Variants in WDPCP observed in about 807,000 individuals in gnomAD.
WDPCP encodes the protein WD repeat-containing and planar cell polarity effector protein fritz homolog.
In WDPCP, 71 loss-of-function variants were observed where a neutral mutation model predicts 93.1. The ratio of observed to expected loss-of-function variants is 0.76; its 90% CI spans 0.63 to 0.93. The LOEUF is 0.93. Ranked by LOEUF, WDPCP falls within the 40% of genes least tolerant of loss-of-function variation. The probability of loss-of-function intolerance (pLI) is 0.00; values close to 1 mark genes in which losing one functional copy is unlikely to be tolerated. For missense variants in WDPCP, 844 were observed against 887.4 expected (o/e 0.95, Z 0.62); for synonymous variants, 315 against 315.0 (o/e 1.00, Z 0.00).
At chr2:63,391,567 G>T (rs913739767) in intron 10 of WDPCP, among the ~76,000 whole-genome samples, 1 of 152,086 alleles carries the variant, frequency 6.6e-6, no homozygotes. Flanking sequence ...AGAAATAAAG[G>T]GTATTCCATT....
chr2:63,265,882 C>G (rs1682068356), intron 13 of WDPCP, among the ~76,000 whole-genome samples: 1 of 152,058 alleles, frequency 6.6e-6, no homozygotes, highest in African/African-American at 2.4e-5. Flanking sequence ...AAGTGTGATA[C>G]AGTGTATTAA....
chr2:63,780,955 C>T (rs1670383083), intron 2 of WDPCP, among the ~76,000 whole-genome samples: 1 of 152,174 alleles, frequency 6.6e-6, no homozygotes, highest in African/African-American at 2.4e-5. Context: ...AGTCATTTTG[C>T]ATTCCTCCCT....
At chr2:63,550,613 C>T (rs1705537225) in intron 1 of WDPCP, among the ~76,000 whole-genome samples, 1 of 144,192 alleles carries the variant, frequency 6.9e-6, no homozygotes, top group South Asian at 2.1e-4. Flanking sequence ...ATCTGCTATC[C>T]TTGGGTGATC....
At chr2:63,353,189 G>A (rs1689759235) in intron 12 of WDPCP, among the ~76,000 whole-genome samples, 1 of 151,996 alleles carries the variant, frequency 6.6e-6, no homozygotes, top group Non-Finnish European at 1.5e-5. Flanking sequence ...ACTCCACCGG[G>A]GCCTTCAGTC....
intron 3 of WDPCP, among the ~76,000 whole-genome samples, chr2:63,618,888 C>T (rs1307893547): frequency 6.6e-6 from 1 of 152,054 alleles, no homozygotes; most frequent in East Asian, 1.9e-4. Context: ...AGGGTTTCTC[C>T]ATGTTGGTCA....
intron 10 of WDPCP, among the ~76,000 whole-genome samples, chr2:63,391,904 G>A (rs1439397508): frequency 6.6e-6 from 1 of 152,088 alleles, no homozygotes; most frequent in African/African-American, 2.4e-5. Context: ...ACAAATGGAA[G>A]AACATTCCAT....
At chr2:63,626,792 G>T (rs1709815148) in intron 3 of WDPCP, among the ~76,000 whole-genome samples, 1 of 152,082 alleles carries the variant, frequency 6.6e-6, no homozygotes, top group Non-Finnish European at 1.5e-5. Context: ...TCTAGAACCA[G>T]AAATACAATA....
the WDPCP span, among the ~76,000 whole-genome samples, chr2:63,835,383 C>G: frequency 1.5e-5 from 2 of 136,742 alleles, no homozygotes; most frequent in Non-Finnish European, 3.1e-5. Flanking sequence ...GAGCGAGACT[C>G]CATCTCAAAA....
intron 13 of WDPCP, among the ~76,000 whole-genome samples, chr2:63,287,535 G>T (rs750842920): frequency 6.6e-6 from 1 of 152,076 alleles, no homozygotes; most frequent in Non-Finnish European, 1.5e-5. Flanking sequence ...CCCAATTTTG[G>T]TAGCAATCTT....
intron 2 of WDPCP, among the ~76,000 whole-genome samples, chr2:63,735,943 C>A (rs1290802019): frequency 6.6e-6 from 1 of 152,180 alleles, no homozygotes; most frequent in African/African-American, 2.4e-5. Flanking sequence ...TTTCGAGAGT[C>A]CTTTCCAGTT....
intron 11 of WDPCP, among the ~76,000 whole-genome samples, chr2:63,379,426 C>T (rs187848644): frequency 6.6e-6 from 1 of 152,134 alleles, no homozygotes; most frequent in East Asian, 1.9e-4. Context: ...CTTGGCTAAG[C>T]TGTTAGTAAT....
At chr2:63,527,590 G>C (rs892291793) in intron 1 of WDPCP, among the ~76,000 whole-genome samples, 2 of 151,928 alleles carry the variant, frequency 1.3e-5, no homozygotes, top group African/African-American at 4.8e-5. Flanking sequence ...TGGTGTATAT[G>C]TGCCACATTT....
intron 12 of WDPCP, among the ~76,000 whole-genome samples, chr2:63,362,279 G>GGGTGTGTGTGTGTT (rs1690539739): frequency 1.3e-5 from 1 of 74,196 alleles, no homozygotes; most frequent in Non-Finnish European, 2.7e-5. Flanking sequence ...TTTTTTGGTT[G>GGGTGTGTGTGTGTT]TGTGTGTGTG....
intron 14 of WDPCP, among the ~76,000 whole-genome samples, chr2:63,240,148 A>G (rs1255719779): frequency 2.0e-5 from 3 of 152,100 alleles, no homozygotes; most frequent in Non-Finnish European, 4.4e-5. Flanking sequence ...TAGTTTAGCC[A>G]AGACTAGACC....
rs1189114807 is a variant in WDPCP at position 63,826,772 on chromosome 2, T to A, written n.222+850A>T. ...CATCCCTCTTCTACTCTTTAAAAAA[T>A]AAATGCTATACAGTTAAACTTAAAA... On this transcript the variant is annotated intron_variant and non_coding_transcript_variant, in intron 1 of 4. Coordinates refer to the WDPCP transcript ENST00000467687. 2.0e-5 allele frequency among the ~76,000 whole-genome samples: 3 copies of A among 152,274 alleles called. No individual in the cohort carries two copies. In the East Asian group the frequency reaches 5.8e-4, roughly 29 times the overall value.
intron 13 of WDPCP, among the ~76,000 whole-genome samples, chr2:63,306,572 C>G (rs1056973990): frequency 6.6e-6 from 1 of 152,192 alleles, no homozygotes; most frequent in African/African-American, 2.4e-5. Context: ...CCCTGGGATG[C>G]AAGGCTGGTT....
chr2:63,239,953 TCA>T lies in WDPCP; in HGVS notation c.1915+19352_1915+19353del, dbSNP rs557521443. 3.3e-5 allele frequency among the ~76,000 whole-genome samples: 5 copies of T among 152,308 alleles called. No homozygotes were observed. The East Asian group carries it at 9.6e-4, about 29-fold the overall frequency. On this transcript the variant is annotated intron_variant, in intron 14 of 17. Transcript: ENST00000272321. Reference sequence around the variant, plus strand: ...AAATGGATATGAATAAATGATTTTTTCACAGAGTTATATGTTGGCTAGAATTT... The same window carrying T: ...AAATGGATATGAATAAATGATTTTTTCAGAGTTATATGTTGGCTAGAATTT...
At chr2:63,186,887 A>T (rs1361532749) in intron 14 of WDPCP, among the ~76,000 whole-genome samples, 4 of 151,944 alleles carry the variant, frequency 2.6e-5, no homozygotes, top group African/African-American at 9.7e-5. Context: ...GGGGAAAAAA[A>T]AGAGAAGTCC....
At chr2:63,820,733 CTT>C (rs1405874953) in intron 1 of WDPCP, among the ~76,000 whole-genome samples, 1 of 152,000 alleles carries the variant, frequency 6.6e-6, no homozygotes, top group Non-Finnish European at 1.5e-5. Flanking sequence ...TGGGGACAAA[CTT>C]AATATTTGTA....
Sources: gnomAD v4.1 joint callset for allele counts (sites outside exome capture counted in the v4.1 genomes callset) on GRCh38, gnomAD v4.1.1 for gene constraint, MANE v1.5 for transcripts, NCBI Gene and HGNC (gene_info 2026-07-23, HGNC 2026-07-21) for gene names.